TTPAL: variants seen among roughly 807,000 people sequenced by gnomAD.
TTPAL encodes the protein alpha tocopherol transfer protein like, also known as alpha-tocopherol transfer protein-like.
In TTPAL, 21 loss-of-function variants were observed where a neutral mutation model predicts 28.7. The observed-to-expected ratio is 0.73, with a 90% CI of 0.52 to 1.06. TTPAL has a LOEUF of 1.06. Ranked by LOEUF, TTPAL falls within the 50% of genes least tolerant of loss-of-function variation. The pLI is 0.00. For synonymous variants in TTPAL, 169 were observed against 171.9 expected, an observed-to-expected ratio of 0.98 and a Z score of 0.13; for missense variants, 345 against 425.5, an observed-to-expected ratio of 0.81 and a Z score of 1.67.
In TTPAL at chr20:44,494,415, T is replaced by A. The variant is rs2064235942; in HGVS notation, c.*4874T>A. ...GCACTGTTTCAGCCACTGGTCACAT[T>A]CCTTGCTTCAAACTGAAATTCAGTT... On this transcript the variant is annotated 3_prime_UTR_variant, in exon 5 of 5. Coordinates refer to ENST00000262605, the MANE Select transcript of TTPAL (RefSeq NM_001039199.3). 6.5e-6 allele frequency: 1 copy of A among 152,780 alleles called. No homozygotes were observed. The highest frequency in any genetic ancestry group is 2.1e-4 in the South Asian group (1 of 4,830). The allele number at this position is 152,780 out of a possible 1,614,324, so 9.5% of individuals were successfully genotyped here. A position where few individuals can be genotyped will look rare whatever the true frequency, so the allele number is the denominator to read the frequency against.
At chr20:44,484,229 CTT>C in intron 2 of TTPAL, 106 bp from the exon 3 acceptor site, 5 of 761,206 alleles carry the variant, frequency 6.6e-6, no homozygotes, top group Non-Finnish European at 9.8e-6. Context: ...ACTAGAATAT[CTT>C]TCTTTTCCAT....
Position 44,491,012 on chromosome 20 carries a change from G to C in TTPAL, c.*1471G>C, listed in dbSNP as rs1465427925. ...AATCACGTGAACCCAGGAGGCAGAA[G>C]TGGCAGTGAGCCAAGATCGCACCAC... is the stretch of plus-strand genomic sequence containing the variant. On this transcript the variant is annotated 3_prime_UTR_variant, in exon 5 of 5. Transcript: ENST00000262605. 1 of 147,430 alleles carries C rather than the reference G, an allele frequency of 6.8e-6. No individual in the cohort carries two copies. Among genetic ancestry groups the C allele is most frequent in the African/African-American group, 2.5e-5 (1 of 39,366 alleles). The allele number at this position is 147,430 out of a possible 1,614,324, so 9.1% of individuals were successfully genotyped here.
At chr20:44,488,440 T>C (rs1178278713) in intron 4 of TTPAL, among the ~76,000 whole-genome samples, 3 of 152,170 alleles carry the variant, frequency 2.0e-5, no homozygotes, top group Admixed American at 6.5e-5. Flanking sequence ...CAACTCTATG[T>C]ACAAGCATGT....
In TTPAL at chr20:44,475,890, G is replaced by GAGGCGGGGC; in HGVS notation, c.-113_-112insGGGGCAGGC. 1 of 152,394 alleles carries GAGGCGGGGC rather than the reference G, an allele frequency of 6.6e-6. No homozygotes were observed. The highest frequency in any genetic ancestry group is 2.4e-5 in the African/African-American group (1 of 41,596). The allele number at this position is 152,394 out of a possible 1,614,324, so 9.4% of individuals were successfully genotyped here. A position where few individuals can be genotyped will look rare whatever the true frequency, so the allele number is the denominator to read the frequency against. The stretch of plus-strand genomic sequence containing the variant: ...CCCTGGATCGTCACTTCCGGCGCGA[G>GAGGCGGGGC]AGGCCGGGCAGGCCGGGCAGGGAGT... On this transcript the variant is annotated 5_prime_UTR_variant, in exon 1 of 5. Transcript: ENST00000262605.
intron 1 of TTPAL, among the ~76,000 whole-genome samples, chr20:44,477,745 C>G (rs2064059142): frequency 6.6e-6 from 1 of 152,034 alleles, no homozygotes; most frequent in South Asian, 2.1e-4. Context: ...ACCTCCGCTT[C>G]CTGGTTTCAA....
chr20:44,479,825 CTTG>C, intron 1 of TTPAL, 157 bp from the exon 2 acceptor site: 1 of 658,958 alleles, frequency 1.5e-6, no homozygotes, highest in Non-Finnish European at 2.6e-6. Flanking sequence ...TGGGGTCAGA[CTTG>C]CGTGTATGGT....
In TTPAL at chr20:44,489,420, A is replaced by G. The variant is rs1427787612; in HGVS notation, c.908A>G (p.Gln303Arg). 2 of 1,614,200 alleles carry G rather than the reference A, an allele frequency of 1.2e-6. No homozygotes were observed. The highest frequency in any genetic ancestry group is 1.7e-6 in the Non-Finnish European group (2 of 1,180,034). The change falls in exon 5 of 5, where the codon CAA becomes CGA. Residue 303 changes from glutamine to arginine, a missense_variant. Coordinates refer to ENST00000262605, the MANE Select transcript of TTPAL (RefSeq NM_001039199.3). ...SEDDFVKEFC[Q>R]PVPACDSILG... ...GACGATTTTGTGAAAGAGTTCTGCC[A>G]ACCTGTTCCTGCCTGTGACAGCATC...
intron 3 of TTPAL, among the ~76,000 whole-genome samples, chr20:44,485,501 G>A (rs182017861): frequency 7.4e-4 from 112 of 152,270 alleles, no homozygotes; most frequent in African/African-American, 2.6e-3. Context: ...CACGTGGGGT[G>A]TTTTCCCTTG....
chr20:44,487,992 C>T (rs1042449567), intron 4 of TTPAL, among the ~76,000 whole-genome samples: 1 of 152,246 alleles, frequency 6.6e-6, no homozygotes. Context: ...TGGTCTCAAA[C>T]TCCTGACCTC....
chr20:44,486,526 T>C (rs1182538746), intron 3 of TTPAL, 70 bp from the exon 4 acceptor site: 4 of 946,826 alleles, frequency 4.2e-6, no homozygotes, highest in Non-Finnish European at 5.0e-6. Flanking sequence ...AAAGTGAAGA[T>C]TTAACTTGGG....
At position 44,480,389 on chromosome 20, in the gene TTPAL, C is replaced by T. The variant is rs771323016; in HGVS notation, c.390C>T (p.Leu130=). 1.2e-6 allele frequency: 2 copies of T among 1,613,746 alleles called. No individual in the cohort carries two copies. Among genetic ancestry groups the T allele is most frequent in the East Asian group, 2.2e-5 (1 of 44,882 alleles). The part of the protein sequence containing the change: ...ALKDVLASGF[L]TVLPHTDPRG... ...AAGATGTCCTTGCTTCCGGGTTCCT[C>T]ACCGTGCTGCCCCACACTGACCCCA... is the stretch of plus-strand genomic sequence containing the variant. Residue 130 remains leucine (L), a synonymous_variant, in exon 2 of 5, where the codon CTC becomes CTT. Coordinates refer to ENST00000262605, the MANE Select transcript of TTPAL (RefSeq NM_001039199.3). The surrounding 1 kb of genome is among the most constrained non-coding windows in gnomAD (Gnocchi z 4.1).
chr20:44,485,202 G>C (rs1478281986), intron 3 of TTPAL, among the ~76,000 whole-genome samples: 1 of 152,022 alleles, frequency 6.6e-6, no homozygotes, highest in East Asian at 1.9e-4. Context: ...TGAGGGATAT[G>C]GTGTTCTGTT....
In TTPAL at chr20:44,493,320, T is replaced by C. The variant is rs1292582660; in HGVS notation, c.*3779T>C. 1 of 152,242 alleles carries C rather than the reference T, an allele frequency of 6.6e-6. No homozygotes were observed. The highest frequency in any genetic ancestry group is 2.4e-5 in the African/African-American group (1 of 41,414). 9.4% of individuals were successfully genotyped at this position (152,242 alleles called of 1,614,324 possible). On this transcript the variant is annotated 3_prime_UTR_variant, in exon 5 of 5. Transcript: ENST00000262605. ...TGAAAAATCAGGTTACAAAACACCA[T>C]TTTTCCCGAAATAAGACAATAAGAG...
intron 1 of TTPAL, among the ~76,000 whole-genome samples, chr20:44,478,815 G>T (rs2064070883): frequency 1.3e-5 from 2 of 152,032 alleles, no homozygotes; most frequent in Non-Finnish European, 2.9e-5. Flanking sequence ...GTTTTGAGAG[G>T]GAGTCTTGCT....
intron 4 of TTPAL, among the ~76,000 whole-genome samples, chr20:44,487,805 G>A (rs893497850): frequency 5.9e-5 from 9 of 152,104 alleles, no homozygotes; most frequent in Non-Finnish European, 8.8e-5. Flanking sequence ...GTCTCGCTCC[G>A]TCACCCAGGC....
intron 1 of TTPAL, among the ~76,000 whole-genome samples, chr20:44,479,399 G>GTTT (rs869123576): frequency 3.4e-4 from 28 of 81,538 alleles, no homozygotes; most frequent in Middle Eastern, 7.1e-3. Context: ...AATCTGAGTT[G>GTTT]TTTTTTTTTT....
rs747328979 is a variant in TTPAL, at chr20:44,484,453, G to C, written c.562G>C (p.Asp188His). 1.1e-5 allele frequency: 17 copies of C among 1,606,240 alleles called. No homozygotes were observed. In the South Asian group the frequency reaches 1.7e-4, roughly 16 times the overall value. Reference sequence around the variant, plus strand: ...GGTGAATGGAATTGTAATTCTTGCAGACTACAAAGGAGTGAGTTTATCAAA... The same window carrying C: ...GGTGAATGGAATTGTAATTCTTGCACACTACAAAGGAGTGAGTTTATCAAA... ...TQVNGIVILA[D>H]YKGVSLSKAS... Residue 188 changes from aspartate to histidine, a missense_variant, in exon 3 of 5, where the codon GAC becomes CAC. Physicochemically the swap from Asp to His is moderately conservative, Grantham distance 81. Coordinates refer to ENST00000262605, the MANE Select transcript of TTPAL (RefSeq NM_001039199.3).
At position 44,494,181 on chromosome 20, in the gene TTPAL, T is replaced by A. The variant is rs1222754582; in HGVS notation, c.*4640T>A. On this transcript the variant is annotated 3_prime_UTR_variant, in exon 5 of 5. Transcript: ENST00000262605. Reference sequence around the variant, plus strand: ...TGGATGGAGATGATAGTGATGAAATTCCTGTTTCATGGGGCTGTTTTTCTT... The same window carrying A: ...TGGATGGAGATGATAGTGATGAAATACCTGTTTCATGGGGCTGTTTTTCTT... 6.6e-6 allele frequency: 1 copy of A among 152,428 alleles called. No homozygotes were observed. The highest frequency in any genetic ancestry group is 6.5e-5 in the Admixed American group (1 of 15,276). 9.4% of individuals were successfully genotyped at this position (152,428 alleles called of 1,614,324 possible). A position where few individuals can be genotyped will look rare whatever the true frequency, so the allele number is the denominator to read the frequency against.
chr20:44,481,994 A>C (rs995057509), intron 2 of TTPAL, among the ~76,000 whole-genome samples: 1 of 152,126 alleles, frequency 6.6e-6, no homozygotes, highest in Admixed American at 6.5e-5. Flanking sequence ...TGTAGTTTCA[A>C]CCCTTTGCTT....
Sources: gnomAD v4.1 joint callset for allele counts (sites outside exome capture counted in the v4.1 genomes callset) on GRCh38, gnomAD v4.1.1 for gene constraint, Gnocchi (gnomAD v3.1) non-coding constraint, MANE v1.5 for transcripts, NCBI Gene and HGNC (gene_info 2026-07-23, HGNC 2026-07-21) for gene names.